The following ITGB6 variants were observed in gnomAD, a reference collection of about 807,000 sequenced individuals.
ITGB6 encodes the protein integrin subunit beta 6.
Under a neutral mutation model 84.5 loss-of-function variants are expected in ITGB6, and 80 were observed. That is an observed-to-expected ratio of 0.95 (90% CI 0.79 to 1.14). The LOEUF (loss-of-function observed/expected upper bound fraction) is 1.14. ITGB6 is among the 50% of genes most tolerant of loss of function. The pLI is 0.00. For missense variants in ITGB6, 1,006 were observed against 968.0 expected (o/e 1.04, Z -0.52); for synonymous variants, 383 against 354.9 (o/e 1.08, Z -0.89).
chr2:160,155,493 A>G (rs1684590956), intron 7 of ITGB6, among the ~76,000 whole-genome samples: 1 of 152,204 alleles, frequency 6.6e-6, no homozygotes, highest in African/African-American at 2.4e-5. Flanking sequence ...TTCATCATTT[A>G]TGACACATGT....
In ITGB6 at chr2:160,123,810, C is replaced by A. The variant is rs201818641; in HGVS notation, c.1962G>T (p.Ala654=). The change falls in exon 12 of 15, where the codon GCG becomes GCT. Residue 654 remains alanine, a synonymous_variant. Transcript: ENST00000283249. Reference sequence around the variant, plus strand: ...CAGAACCTTCTTCTTCACTGATGGTCGCACCAGCTAGTTTGCACTTGTCCA... The same window carrying A: ...CAGAACCTTCTTCTTCACTGATGGTAGCACCAGCTAGTTTGCACTTGTCCA... ...ECVDKCKLAG[A]TISEEEDFSK... is the part of the protein sequence containing the mutation. The A allele has an allele frequency of 6.2e-7, 1 of 1,613,774 alleles. No homozygotes were observed. The highest frequency in any genetic ancestry group is 8.5e-7 in the Non-Finnish European group (1 of 1,179,760).
At chr2:160,106,649 G>A (rs1033786892) in intron 14 of ITGB6, among the ~76,000 whole-genome samples, 2 of 152,178 alleles carry the variant, frequency 1.3e-5, no homozygotes, top group Non-Finnish European at 2.9e-5. Flanking sequence ...TTTTTAATGG[G>A]AAGATAAAGT....
At chr2:160,149,294 G>C (rs1272442691) in intron 7 of ITGB6, among the ~76,000 whole-genome samples, 1 of 152,204 alleles carries the variant, frequency 6.6e-6, no homozygotes, top group African/African-American at 2.4e-5. Context: ...AGCCTCTGCT[G>C]GTGATACCCA....
chr2:160,126,621 A>G lies in ITGB6; in HGVS notation c.1661-20T>C, dbSNP rs2105801953. 3.1e-6 allele frequency: 5 copies of G among 1,603,524 alleles called. No individual in the cohort carries two copies. Among genetic ancestry groups the G allele is most frequent in the African/African-American group, 1.3e-5 (1 of 74,824 alleles). On this transcript the variant is annotated intron_variant, in intron 10 of 14. Transcript: ENST00000283249. ...CGTTACCTGTAACACAAAATGCTCT[A>G]TGCTTCTCACAGCCCCAAAACACTT... is the stretch of plus-strand genomic sequence containing the variant.
In ITGB6 at chr2:160,100,458, G is replaced by A. The variant is rs1340504398; in HGVS notation, c.*1278C>T. 6.6e-6 allele frequency: 1 copy of A among 152,216 alleles called. No homozygotes were observed. 9.4% of individuals were successfully genotyped at this position (152,216 alleles called of 1,614,324 possible). ...CTGACAAAAGAGGCAGTTTCCTGCA[G>A]TGGAAAGAGGAGATGGCTTGGAGTT... On this transcript the variant is annotated 3_prime_UTR_variant, in exon 15 of 15. Coordinates refer to ENST00000283249, the MANE Select transcript of ITGB6 (RefSeq NM_000888.5).
intron 7 of ITGB6, among the ~76,000 whole-genome samples, chr2:160,144,310 TC>T (rs1339273401): frequency 6.6e-6 from 1 of 152,234 alleles, no homozygotes. Flanking sequence ...TTACTTTGTG[TC>T]CCACATTGCT....
intron 4 of ITGB6, among the ~76,000 whole-genome samples, chr2:160,181,754 G>A (rs1408733210): frequency 1.3e-5 from 2 of 152,198 alleles, no homozygotes; most frequent in Non-Finnish European, 2.9e-5. Flanking sequence ...ATTGACATCT[G>A]GCGGGTGCCC....
chr2:160,156,792 C>T (rs186881144), intron 7 of ITGB6, among the ~76,000 whole-genome samples: 1 of 152,322 alleles, frequency 6.6e-6, no homozygotes, highest in African/African-American at 2.4e-5. Context: ...CACTCATATC[C>T]TCTTTCCTTA....
intron 7 of ITGB6, among the ~76,000 whole-genome samples, chr2:160,155,367 C>T (rs1186514779): frequency 2.0e-5 from 3 of 152,012 alleles, no homozygotes; most frequent in Non-Finnish European, 2.9e-5. Context: ...CTACTCTGTA[C>T]GATACTACAA....
At chr2:160,118,069 G>A (rs930676320) in intron 12 of ITGB6, among the ~76,000 whole-genome samples, 23 of 152,058 alleles carry the variant, frequency 1.5e-4, no homozygotes, top group African/African-American at 2.7e-4. Context: ...ATTCACAGCC[G>A]AATTCTACCA....
Position 160,101,781 on chromosome 2 carries a change from A to G in ITGB6, c.2322T>C (p.Tyr774=). The G allele has an allele frequency of 1.9e-6, 3 of 1,603,408 alleles. No homozygotes were observed. Among genetic ancestry groups the G allele is most frequent in the Non-Finnish European group, 1.7e-6 (2 of 1,170,622 alleles). Residue 774 remains tyrosine (Y), a synonymous_variant, in exon 15 of 15, where the codon TAT becomes TAC. Coordinates refer to ENST00000283249, the MANE Select transcript of ITGB6 (RefSeq NM_000888.5). The part of the protein sequence containing the change: ...GSTSTFKNVT[Y]KHREKQKVDL... ...CTACCTTTTGTTTTTCCCTGTGTTT[A>G]TAAGTTACATTTTTAAAAGTACTTG...
intron 4 of ITGB6, among the ~76,000 whole-genome samples, chr2:160,182,666 A>T (rs763281044): frequency 6.6e-6 from 1 of 152,194 alleles, no homozygotes; most frequent in Non-Finnish European, 1.5e-5. Flanking sequence ...CTCCCCAAGA[A>T]GAGCAACTCC....
intron 7 of ITGB6, among the ~76,000 whole-genome samples, chr2:160,146,898 C>G (rs545587585): frequency 6.6e-6 from 1 of 151,650 alleles, no homozygotes; most frequent in African/African-American, 2.4e-5. Flanking sequence ...TCCAGGGGTT[C>G]GAGACCAGCC....
At chr2:160,122,190 G>T (rs1337782300) in intron 12 of ITGB6, among the ~76,000 whole-genome samples, 1 of 151,962 alleles carries the variant, frequency 6.6e-6, no homozygotes, top group African/African-American at 2.4e-5. Flanking sequence ...ACAAATAATT[G>T]TATCTCCCTA....
chr2:160,120,718 A>G (rs1280322274), intron 12 of ITGB6, among the ~76,000 whole-genome samples: 1 of 85,352 alleles, frequency 1.2e-5, no homozygotes, highest in Non-Finnish European at 2.5e-5. Flanking sequence ...ACACCATGGA[A>G]TACTATGCAG....
intron 12 of ITGB6, among the ~76,000 whole-genome samples, chr2:160,113,581 T>C (rs937156037): frequency 2.0e-5 from 3 of 152,252 alleles, no homozygotes; most frequent in Non-Finnish European, 4.4e-5. Flanking sequence ...CATCCTAGTC[T>C]AGTCATTGCC....
At chr2:160,118,396 G>A (rs374773138) in intron 12 of ITGB6, among the ~76,000 whole-genome samples, 11 of 152,044 alleles carry the variant, frequency 7.2e-5, no homozygotes, top group African/African-American at 2.7e-4. Context: ...GCATATAAAC[G>A]GAACCAAAGA....
chr2:160,108,426 T>C (rs1696997635), intron 13 of ITGB6, among the ~76,000 whole-genome samples: 1 of 152,184 alleles, frequency 6.6e-6, no homozygotes, highest in South Asian at 2.1e-4. Context: ...CCTAATGCAG[T>C]AGTCTGGTTT....
intron 7 of ITGB6, among the ~76,000 whole-genome samples, chr2:160,155,368 G>A (rs1411200698): frequency 2.0e-5 from 3 of 152,162 alleles, no homozygotes; most frequent in East Asian, 1.9e-4. Context: ...TACTCTGTAC[G>A]ATACTACAAA....
Sources: gnomAD v4.1 joint callset for allele counts (sites outside exome capture counted in the v4.1 genomes callset) on GRCh38, gnomAD v4.1.1 for gene constraint, MANE v1.5 for transcripts, NCBI Gene and HGNC (gene_info 2026-07-23, HGNC 2026-07-21) for gene names.